TRIM8: variants seen among roughly 807,000 people sequenced by gnomAD.
The protein encoded by TRIM8 is E3 ubiquitin-protein ligase TRIM8.
A neutral mutation model predicts 55.7 loss-of-function variants in TRIM8; 9 were observed. That is an observed-to-expected ratio of 0.16 (90% CI 0.10 to 0.28). TRIM8 has a LOEUF of 0.28. Ranked by LOEUF, TRIM8 falls within the 10% of genes least tolerant of loss-of-function variation. TRIM8 has a pLI of 1.00. For synonymous variants in TRIM8, 335 were observed against 333.3 expected (o/e 1.01, Z -0.06); for missense variants, 556 against 736.4 (o/e 0.76, Z 2.83).
rs376175381 is a variant in TRIM8 at position 102,656,903 on chromosome 10, C to T, written c.1205C>T (p.Ala402Val). Residue 402 changes from alanine (A) to valine (V), a missense_variant, in exon 6 of 6, where the codon GCG (alanine) becomes GTG (valine). This residue lies in a region of TRIM8 where 391 missense variants were observed against 441.0 expected (regional missense o/e 0.89). Transcript: ENST00000643721. The surrounding 1 kb of genome is among the most constrained non-coding windows in gnomAD (Gnocchi z 4.6). ...SSGPVGGQYG[A>V]AGTASGEGQS... The stretch of plus-strand genomic sequence containing the variant: ...GGCCCTGTGGGCGGCCAGTACGGGG[C>T]GGCGGGCACAGCCAGCGGTGAGGGC... 41 of 1,595,296 alleles carry T rather than the reference C, an allele frequency of 2.6e-5. No individual in the cohort carries two copies. The African/African-American group carries it at 3.5e-4, about 14-fold the overall frequency.
chr10:102,645,494 C>G (rs2063926768), intron 1 of TRIM8: 1 of 276,246 alleles, frequency 3.6e-6, no homozygotes, highest in African/African-American at 2.2e-5. Context: ...CAGCTCCCTC[C>G]CCCAGTCTTG....
In TRIM8 at chr10:102,656,062, G is replaced by A. The variant is rs2064021018; in HGVS notation, c.901-44G>A. On this transcript the variant is annotated intron_variant, in intron 3 of 5. Transcript: ENST00000643721. The surrounding 1 kb of genome is among the most constrained non-coding windows in gnomAD (Gnocchi z 4.6). ...CTTCCCCTCTCCCCGGGCTCTCCCT[G>A]GACTGCCTTTTCCACTGACTTGACT... 2.4e-6 allele frequency: 2 copies of A among 819,262 alleles called. No homozygotes were observed. Among genetic ancestry groups the A allele is most frequent in the East Asian group, 3.0e-5 (1 of 33,426 alleles). 50.7% of individuals were successfully genotyped at this position (819,262 alleles called of 1,614,324 possible).
Position 102,644,642 on chromosome 10 carries a change from T to A in TRIM8, c.25T>A (p.Phe9Ile). 1 of 1,612,908 alleles carries A rather than the reference T, an allele frequency of 6.2e-7. No individual in the cohort carries two copies. Residue 9 changes from phenylalanine to isoleucine, a missense_variant, in exon 1 of 6, where the codon TTC becomes ATC. This residue lies in a region of TRIM8 where 165 missense variants were observed against 295.3 expected (regional missense o/e 0.56). Transcript: ENST00000643721. Reference protein sequence around the residue: MAENWKNCFEEELICPICL... With the variant: MAENWKNCIEEELICPICL... ...CATGGCGGAGAATTGGAAGAACTGC[T>A]TCGAGGAGGAGCTCATCTGCCCTAT... is the stretch of plus-strand genomic sequence containing the variant.
chr10:102,648,844 C>G (rs573192383), intron 1 of TRIM8, among the ~76,000 whole-genome samples: 1 of 152,042 alleles, frequency 6.6e-6, no homozygotes, highest in Admixed American at 6.5e-5. Flanking sequence ...TGGCCACCCC[C>G]GAGTCTTCGT....
Position 102,657,178 on chromosome 10 carries a change from C to A in TRIM8, c.1480C>A (p.Pro494Thr). 6.2e-7 allele frequency: 1 copy of A among 1,613,972 alleles called. No individual in the cohort carries two copies. Among genetic ancestry groups the A allele is most frequent in the Non-Finnish European group, 8.5e-7 (1 of 1,179,972 alleles). Residue 494 changes from proline to threonine, a missense_variant, in exon 6 of 6, where the codon CCC becomes ACC. This residue lies in a region of TRIM8 where 391 missense variants were observed against 441.0 expected (regional missense o/e 0.89). Coordinates refer to ENST00000643721, the MANE Select transcript of TRIM8 (RefSeq NM_030912.3). ...HQPYPRSGHF[P>T]WTVPSQEYSH... ...GCCCTACCCCCGCTCCGGCCACTTTCCCTGGACAGTGCCCTCGCAGGAGTA... is the reference window on the plus strand; with the variant it reads ...GCCCTACCCCCGCTCCGGCCACTTTACCTGGACAGTGCCCTCGCAGGAGTA...
chr10:102,656,633 A>G lies in TRIM8; in HGVS notation c.1049-114A>G. ...GGTAGAGGAGCAAGCATCACCTGAG[A>G]TGTAACATTCTTGGGCCTCTAGGTG... On this transcript the variant is annotated intron_variant, in intron 5 of 5. Coordinates refer to ENST00000643721, the MANE Select transcript of TRIM8 (RefSeq NM_030912.3). This position sits in a 1 kb window ranked among gnomAD's most constrained non-coding sequence, Gnocchi z 4.6. The G allele has an allele frequency of 6.9e-7, 1 of 1,453,206 alleles. No homozygotes were observed. Among genetic ancestry groups the G allele is most frequent in the Non-Finnish European group, 9.2e-7 (1 of 1,082,270 alleles). The allele number at this position is 1,453,206 out of a possible 1,614,324, so 90.0% of individuals were successfully genotyped here. A position where few individuals can be genotyped will look rare whatever the true frequency, so the allele number is the denominator to read the frequency against.
In TRIM8 at chr10:102,656,942, C is replaced by T. The variant is rs2135984968; in HGVS notation, c.1244C>T (p.Pro415Leu). 6.2e-7 allele frequency: 1 copy of T among 1,610,424 alleles called. No homozygotes were observed. Among genetic ancestry groups the T allele is most frequent in the Non-Finnish European group, 8.5e-7 (1 of 1,178,318 alleles). Residue 415 changes from proline (P) to leucine (L), a missense_variant, in exon 6 of 6, where the codon CCC becomes CTC. Physicochemically the swap from Pro to Leu is moderately conservative, Grantham distance 98. This residue lies in a region of TRIM8 where 391 missense variants were observed against 441.0 expected (regional missense o/e 0.89). Coordinates refer to ENST00000643721, the MANE Select transcript of TRIM8 (RefSeq NM_030912.3). This position sits in a 1 kb window ranked among gnomAD's most constrained non-coding sequence, Gnocchi z 4.6. ...TASGEGQSGQ[P>L]LGPCSSTQHL... Reference sequence around the variant, plus strand: ...AGCGGTGAGGGCCAGTCTGGGCAGCCCCTGGGGCCCTGCAGCTCCACGCAG... The same window carrying T: ...AGCGGTGAGGGCCAGTCTGGGCAGCTCCTGGGGCCCTGCAGCTCCACGCAG...
chr10:102,655,965 C>A lies in TRIM8; in HGVS notation c.901-141C>A. 10 of 1,257,752 alleles carry A rather than the reference C, an allele frequency of 8.0e-6. No individual in the cohort carries two copies. The African/African-American group carries it at 1.5e-4, about 18-fold the overall frequency. 77.9% of individuals were successfully genotyped at this position (1,257,752 alleles called of 1,614,324 possible). ...CTTCTTCCGCAAATGGCCACCCCTACCCCTGCCACTTTCTGTCCAGAATGA... is the reference window on the plus strand; with the variant it reads ...CTTCTTCCGCAAATGGCCACCCCTAACCCTGCCACTTTCTGTCCAGAATGA... On this transcript the variant is annotated intron_variant, in intron 3 of 5. Transcript: ENST00000643721.
intron 1 of TRIM8, chr10:102,649,159 G>T (rs2063960968): frequency 6.6e-6 from 1 of 152,306 alleles, no homozygotes; most frequent in Non-Finnish European, 1.5e-5. Flanking sequence ...CCTGACTTCA[G>T]TCCCTAGTTG....
Position 102,644,959 on chromosome 10 carries a change from C to T in TRIM8, c.342C>T (p.Cys114=). The part of the protein sequence containing the change: ...QKVCLRCEAP[C]CQSHVQTHLQ... ...TCTGCCTGCGCTGCGAGGCGCCCTG[C>T]TGCCAGTCCCACGTGCAGACGCACC... is the stretch of plus-strand genomic sequence containing the variant. Residue 114 remains cysteine (C), a synonymous_variant, in exon 1 of 6, where the codon TGC becomes TGT. Transcript: ENST00000643721. 6.3e-7 allele frequency: 1 copy of T among 1,597,138 alleles called. No homozygotes were observed. Among genetic ancestry groups the T allele is most frequent in the Non-Finnish European group, 8.5e-7 (1 of 1,172,878 alleles).
chr10:102,654,678 G>A lies in TRIM8; in HGVS notation c.596G>A (p.Arg199Gln), dbSNP rs368507950. 90 of 1,614,032 alleles carry A rather than the reference G, an allele frequency of 5.6e-5. No individual in the cohort carries two copies. The highest frequency in any genetic ancestry group is 1.5e-4 in the African/African-American group (11 of 74,916). Residue 199 changes from arginine to glutamine, a missense_variant, in exon 2 of 6, where the codon CGG becomes CAG. Arg to Gln is a conservative substitution (Grantham distance 43). Coordinates refer to ENST00000643721, the MANE Select transcript of TRIM8 (RefSeq NM_030912.3). The stretch of plus-strand genomic sequence containing the variant: ...AAGATGCTCATGAAGCAGCAGGACC[G>A]GCTGGAGGAGCGAGAGCAGGACATT... ...IRKMLMKQQD[R>Q]LEEREQDIED...
chr10:102,655,657 T>C (rs1005844646), intron 3 of TRIM8, among the ~76,000 whole-genome samples: 1 of 152,256 alleles, frequency 6.6e-6, no homozygotes, highest in East Asian at 1.9e-4. Context: ...ATGGTCTTTA[T>C]CTTGCTTAGT....
Position 102,656,732 on chromosome 10 carries a change from C to T in TRIM8, c.1049-15C>T, listed in dbSNP as rs763097975. 2.0e-6 allele frequency: 3 copies of T among 1,507,402 alleles called. No individual in the cohort carries two copies. The highest frequency in any genetic ancestry group is 2.7e-6 in the Non-Finnish European group (3 of 1,129,944). 93.4% of individuals were successfully genotyped at this position (1,507,402 alleles called of 1,614,324 possible). ...GGGTGGGAGCTTTGGCGACTTTTGC[C>T]CCAACTCTCCACAGGCCCCTTCAGC... On this transcript the variant is annotated splice_polypyrimidine_tract_variant and intron_variant, in intron 5 of 5. Coordinates refer to ENST00000643721, the MANE Select transcript of TRIM8 (RefSeq NM_030912.3). The surrounding 1 kb of genome is among the most constrained non-coding windows in gnomAD (Gnocchi z 4.6).
intron 1 of TRIM8, among the ~76,000 whole-genome samples, chr10:102,647,668 C>T (rs1051763160): frequency 6.6e-6 from 1 of 152,164 alleles, no homozygotes; most frequent in Non-Finnish European, 1.5e-5. Flanking sequence ...CCTTAAAGGG[C>T]CTTTGCTGGT....
At chr10:102,654,522 G>A (rs542600535) in intron 1 of TRIM8, 131 bp from the exon 2 acceptor site, 17 of 752,538 alleles carry the variant, frequency 2.3e-5, no homozygotes, top group African/African-American at 1.2e-4. Flanking sequence ...GGGGGCCAAA[G>A]GGGCTGGGTA....
In TRIM8 at chr10:102,644,602, C is replaced by T; in HGVS notation, c.-16C>T. 1 of 1,609,256 alleles carries T rather than the reference C, an allele frequency of 6.2e-7. No individual in the cohort carries two copies. Among genetic ancestry groups the T allele is most frequent in the Non-Finnish European group, 8.5e-7 (1 of 1,178,566 alleles). On this transcript the variant is annotated 5_prime_UTR_variant, in exon 1 of 6. Coordinates refer to ENST00000643721, the MANE Select transcript of TRIM8 (RefSeq NM_030912.3). Reference sequence around the variant, plus strand: ...GAGTCGGGGAGGCCTGCCCCGGCCCCCTGCCCGCGGCCGCCATGGCGGAGA... The same window carrying T: ...GAGTCGGGGAGGCCTGCCCCGGCCCTCTGCCCGCGGCCGCCATGGCGGAGA...
chr10:102,645,195 C>T lies in TRIM8; in HGVS notation c.570+8C>T. 1 of 1,528,138 alleles carries T rather than the reference C, an allele frequency of 6.5e-7. No individual in the cohort carries two copies. Among genetic ancestry groups the T allele is most frequent in the Non-Finnish European group, 8.7e-7 (1 of 1,144,632 alleles). The allele number at this position is 1,528,138 out of a possible 1,614,324, so 94.7% of individuals were successfully genotyped here. On this transcript the variant is annotated splice_region_variant and intron_variant, in intron 1 of 5. Coordinates refer to ENST00000643721, the MANE Select transcript of TRIM8 (RefSeq NM_030912.3). ...CGAAGGAATGAAATCCGGGCAAGTA[C>T]CCTACGCGCGCGCGCGCACACACAC... is the stretch of plus-strand genomic sequence containing the variant.
chr10:102,654,778 T>TGG (rs779579278), intron 2 of TRIM8, 30 bp downstream of exon 2: 10 of 1,561,486 alleles, frequency 6.4e-6, no homozygotes, highest in Non-Finnish European at 8.8e-6. Flanking sequence ...TGCTGCGGGG[T>TGG]GGGGGTGGCT....
At chr10:102,650,329 C>T (rs988415162) in intron 1 of TRIM8, among the ~76,000 whole-genome samples, 1 of 152,132 alleles carries the variant, frequency 6.6e-6, no homozygotes, top group Non-Finnish European at 1.5e-5. Flanking sequence ...CTGCTCCAGG[C>T]CGGGAGGGGA....
Sources: allele counts gnomAD v4.1 joint callset (sites outside exome capture counted in the v4.1 genomes callset), GRCh38; gene constraint gnomAD v4.1.1; regional missense constraint gnomAD v4.1.1; non-coding constraint Gnocchi (gnomAD v3.1); transcripts MANE v1.5; gene names NCBI Gene and HGNC (gene_info 2026-07-23, HGNC 2026-07-21).